Variants in SHROOM3 observed in about 807,000 individuals in gnomAD.
SHROOM3 encodes the protein shroom family member 3.
SHROOM3 carries 47 observed loss-of-function variants against 138.6 expected under a neutral mutation model. That is an observed-to-expected ratio of 0.34 (90% CI 0.27 to 0.43). SHROOM3 has a LOEUF of 0.43. Ranked by LOEUF, SHROOM3 falls within the 20% of genes least tolerant of loss-of-function variation. SHROOM3 has a pLI of 1.00. For missense variants in SHROOM3, 2,491 were observed against 2,596.5 expected (o/e 0.96, Z 0.88); for synonymous variants, 1,062 against 1,063.3 (o/e 1.00, Z 0.02).
intron 2 of SHROOM3, among the ~76,000 whole-genome samples, chr4:76,631,199 TAATC>T (rs1452519438): frequency 7.9e-6 from 1 of 126,584 alleles, no homozygotes; most frequent in Non-Finnish European, 1.6e-5. Context: ...GACTTTTTTT[TAATC>T]TTTTTTTTTT....
chr4:76,600,113 C>T (rs1471895909), intron 2 of SHROOM3, among the ~76,000 whole-genome samples: 1 of 152,168 alleles, frequency 6.6e-6, no homozygotes, highest in Non-Finnish European at 1.5e-5. Flanking sequence ...GATTGTGCCA[C>T]TGTACTCCAG....
chr4:76,550,260 G>A (rs780867787), intron 1 of SHROOM3, among the ~76,000 whole-genome samples: 1 of 152,154 alleles, frequency 6.6e-6, no homozygotes, highest in Non-Finnish European at 1.5e-5. Context: ...AATTATGCCT[G>A]CCAATGATAG....
At chr4:76,670,758 C>T (rs958873548) in intron 2 of SHROOM3, among the ~76,000 whole-genome samples, 1 of 151,926 alleles carries the variant, frequency 6.6e-6, no homozygotes, top group Non-Finnish European at 1.5e-5. Context: ...ACTTAGACCA[C>T]CCTGGGCAAT....
Position 76,596,624 on chromosome 4 carries a change from A to ACACACT in SHROOM3, c.323+40862_323+40863insACACTC, listed in dbSNP as rs1491306498. ...CACACACACACACACACACACACACACTCTCCAACAGATGCTGCCTCTCCC... is the reference window on the plus strand; with the variant it reads ...CACACACACACACACACACACACACACACACTCTCTCCAACAGATGCTGCCTCTCCC... On this transcript the variant is annotated intron_variant, in intron 2 of 10. Transcript: ENST00000296043. Among the ~76,000 whole-genome samples the ACACACT allele has an allele frequency of 4.0e-4, 57 of 141,604 alleles. No homozygotes were observed. In the East Asian group the frequency reaches 4.8e-3, roughly 12 times the overall value. 92.9% of individuals were successfully genotyped at this position (141,604 alleles called of 152,430 possible). A position where few individuals can be genotyped will look rare whatever the true frequency, so the allele number is the denominator to read the frequency against.
intron 1 of SHROOM3, among the ~76,000 whole-genome samples, chr4:76,540,938 T>A (rs1036562745): frequency 2.0e-5 from 3 of 152,232 alleles, no homozygotes; most frequent in African/African-American, 7.2e-5. Context: ...TATTGCCCTG[T>A]GAGCCCTATT....
At position 76,756,553 on chromosome 4, in the gene SHROOM3, T is replaced by C. The variant is rs1039329860; in HGVS notation, c.4814T>C (p.Ile1605Thr). 7 of 1,613,422 alleles carry C rather than the reference T, an allele frequency of 4.3e-6. No individual in the cohort carries two copies. The highest frequency in any genetic ancestry group is 4.2e-6 in the Non-Finnish European group (5 of 1,179,978). Residue 1605 changes from isoleucine (I) to threonine (T), a missense_variant, in exon 8 of 11, where the codon ATC becomes ACC. By Grantham distance (89) the Ile-to-Thr change is moderately conservative (BLOSUM62 -1). Around this residue, in one of 4 missense-constraint regions of SHROOM3, gnomAD observed 470 missense variants for 595.0 expected, o/e 0.79. Transcript: ENST00000296043. ...QTLASRLQTS[I>T]KGSEAESTPP... ...CTGGCTTCCAGACTCCAAACTTCTA[T>C]CAAGGGTTCAGAGGCTGAGTCCACA... is the stretch of plus-strand genomic sequence containing the variant.
intron 1 of SHROOM3, among the ~76,000 whole-genome samples, chr4:76,457,774 G>A (rs1731058725): frequency 6.6e-6 from 1 of 150,660 alleles, no homozygotes; most frequent in Non-Finnish European, 1.5e-5. Context: ...ACAGGCGTGA[G>A]CCACCGAGCC....
intron 2 of SHROOM3, among the ~76,000 whole-genome samples, chr4:76,590,332 T>C (rs899808286): frequency 6.6e-6 from 1 of 152,118 alleles, no homozygotes; most frequent in African/African-American, 2.4e-5. Flanking sequence ...GGGAGGCCAG[T>C]TGCGGGTGAG....
intron 9 of SHROOM3, among the ~76,000 whole-genome samples, chr4:76,764,159 G>A (rs1722073565): frequency 6.6e-6 from 1 of 152,110 alleles, no homozygotes; most frequent in Non-Finnish European, 1.5e-5. Context: ...TATCCTAGAT[G>A]ATGAATAATA....
intron 2 of SHROOM3, among the ~76,000 whole-genome samples, chr4:76,668,782 G>A (rs994068594): frequency 2.0e-5 from 3 of 152,214 alleles, no homozygotes; most frequent in African/African-American, 7.2e-5. Context: ...CAACAGCAGA[G>A]GGGAGGTGTC....
At chr4:76,507,530 T>C (rs908177371) in intron 1 of SHROOM3, among the ~76,000 whole-genome samples, 1 of 149,050 alleles carries the variant, frequency 6.7e-6, no homozygotes, top group Non-Finnish European at 1.5e-5. Flanking sequence ...TTTGGTCATT[T>C]GTATCTCTCT....
intron 10 of SHROOM3, among the ~76,000 whole-genome samples, chr4:76,772,108 T>C (rs901813455): frequency 2.0e-5 from 3 of 147,134 alleles, no homozygotes; most frequent in East Asian, 1.9e-4. Flanking sequence ...TTTTTCTTTT[T>C]TTTTTTTTTT....
At chr4:76,589,891 A>C (rs541549972) in intron 2 of SHROOM3, among the ~76,000 whole-genome samples, 2 of 152,322 alleles carry the variant, frequency 1.3e-5, no homozygotes, top group East Asian at 3.9e-4. Flanking sequence ...GTCATATATC[A>C]TTATCCTAGT....
intron 8 of SHROOM3, 53 bp downstream of exon 8, chr4:76,756,990 G>A: frequency 6.2e-7 from 1 of 1,612,240 alleles, no homozygotes; most frequent in Non-Finnish European, 8.5e-7. Flanking sequence ...TCCTTCCATG[G>A]GGATGATGAT....
intron 2 of SHROOM3, among the ~76,000 whole-genome samples, chr4:76,681,526 G>C (rs1719190786): frequency 1.3e-5 from 2 of 151,178 alleles, no homozygotes; most frequent in African/African-American, 2.4e-5. Context: ...CTTAGTATCA[G>C]CCAATTCAGG....
rs1366580735 is a variant in SHROOM3 at position 76,783,230 on chromosome 4, TAA to T, written c.*4057_*4058del. The T allele has an allele frequency of 6.6e-6, 1 of 152,200 alleles. No individual in the cohort carries two copies. Among genetic ancestry groups the T allele is most frequent in the African/African-American group, 2.4e-5 (1 of 41,460 alleles). The allele number at this position is 152,200 out of a possible 1,614,324, so 9.4% of individuals were successfully genotyped here. ...CAGAAATTGAAGTTAAATTTAAAAA[TAA>T]AAATAACCTCAGAAGTTGAAAGTCC... is the stretch of plus-strand genomic sequence containing the variant. On this transcript the variant is annotated 3_prime_UTR_variant, in exon 11 of 11. Coordinates refer to ENST00000296043, the MANE Select transcript of SHROOM3 (RefSeq NM_020859.4).
intron 6 of SHROOM3, among the ~76,000 whole-genome samples, chr4:76,753,023 A>G (rs1309881735): frequency 1.3e-4 from 20 of 152,148 alleles, no homozygotes; most frequent in Admixed American, 1.3e-3. Flanking sequence ...TTCAACAGAC[A>G]TTTGCTGAGG....
intron 2 of SHROOM3, among the ~76,000 whole-genome samples, chr4:76,569,532 A>C (rs1218624547): frequency 6.6e-6 from 1 of 152,140 alleles, no homozygotes; most frequent in African/African-American, 2.4e-5. Flanking sequence ...TAAAAATAGA[A>C]AACTCCAAAA....
At chr4:76,441,088 T>TTTTTTG (rs1553913341) in intron 1 of SHROOM3, among the ~76,000 whole-genome samples, 6 of 122,050 alleles carry the variant, frequency 4.9e-5, no homozygotes, top group South Asian at 2.9e-4. Context: ...TTCAATTTGT[T>TTTTTTG]TTTTTTTTTT....
Sources: allele counts gnomAD v4.1 joint callset (sites outside exome capture counted in the v4.1 genomes callset), GRCh38; gene constraint gnomAD v4.1.1; regional missense constraint gnomAD v4.1.1; transcripts MANE v1.5; gene names NCBI Gene and HGNC (gene_info 2026-07-23, HGNC 2026-07-21).